The following ZNF680 variants were observed in gnomAD, a reference collection of about 807,000 sequenced individuals.
The protein encoded by ZNF680 is zinc finger protein 680.
In ZNF680, 6 loss-of-function variants were observed where a neutral mutation model predicts 12.1. That is an observed-to-expected ratio of 0.49 (90% confidence interval 0.27 to 0.98). The LOEUF (loss-of-function observed/expected upper bound fraction) is 0.98. ZNF680 is among the 50% of genes least tolerant of loss of function. The pLI, the probability that ZNF680 is intolerant of heterozygous loss-of-function variation, is 0.12. For missense variants in ZNF680, 561 were observed against 616.3 expected (o/e 0.91, Z 0.95); for synonymous variants, 170 against 199.3 (o/e 0.85, Z 1.24).
the ZNF680 span, chr7:64,501,445 T>G: frequency 1.0e-6 from 1 of 977,428 alleles, no homozygotes; most frequent in Non-Finnish European, 1.6e-6. Context: ...AAAGGTGGAT[T>G]CACCCCTGGA....
At chr7:64,540,242 T>G (rs1025005274) in intron 3 of ZNF680, among the ~76,000 whole-genome samples, 2 of 151,876 alleles carry the variant, frequency 1.3e-5, no homozygotes, top group African/African-American at 4.8e-5. Context: ...GGAGGTCATA[T>G]TTGTAGATAA....
the ZNF680 span, chr7:64,501,248 T>TTCCTCC: frequency 1.1e-6 from 1 of 896,528 alleles, no homozygotes; most frequent in South Asian, 1.3e-5. Flanking sequence ...CCAGCACATT[T>TTCCTCC]TCCTCCTCCT....
At chr7:64,533,081 T>G (rs903485950) in intron 3 of ZNF680, among the ~76,000 whole-genome samples, 1 of 152,152 alleles carries the variant, frequency 6.6e-6, no homozygotes, top group East Asian at 1.9e-4. Flanking sequence ...GGGAAAAAAG[T>G]TGAAAGCATT....
rs759557798 is a variant in ZNF680, at chr7:64,521,423, G to T, written c.1331C>A (p.Thr444Asn). Residue 444 changes from threonine (T) to asparagine (N), a missense_variant, in exon 4 of 4, where the codon ACT (threonine) becomes AAT (asparagine). Thr to Asn is a moderately conservative substitution (Grantham distance 65). Transcript: ENST00000309683. ...ATGGTTAGTAAGGGTTGAAAATAAA[G>T]TAAAGCCTTTGCCACATTCTTCACA... ...YKCEECGKGF[T>N]LFSTLTNHKV... 2 of 1,612,300 alleles carry T rather than the reference G, an allele frequency of 1.2e-6. No homozygotes were observed. The highest frequency in any genetic ancestry group is 2.7e-5 in the African/African-American group (2 of 74,474).
intron 3 of ZNF680, chr7:64,526,091 C>T: frequency 2.1e-6 from 2 of 947,248 alleles, no homozygotes; most frequent in Non-Finnish European, 2.5e-6. Context: ...ATATATAAAA[C>T]AAAAATATAA....
At chr7:64,537,733 C>T (rs1484992182) in intron 3 of ZNF680, among the ~76,000 whole-genome samples, 2 of 151,972 alleles carry the variant, frequency 1.3e-5, no homozygotes, top group Admixed American at 6.6e-5. Flanking sequence ...CGAGACCATC[C>T]TGGCTAACAC....
Position 64,522,279 on chromosome 7 carries a change from AT to A in ZNF680, c.474del (p.Lys158AsnfsTer3). On this transcript the variant is annotated frameshift_variant, in exon 4 of 4. Transcript: ENST00000309683. LOFTEE classifies it low-confidence loss of function (END_TRUNC). ...TTQSKIFQCD[K>X]YVKVFHKFSN... ...GAAAATTTATGAAAGACTTTCACGT[AT>A]TTATCACATTGAAATATTTTGCTCT... The A allele has an allele frequency of 6.2e-7, 1 of 1,613,092 alleles. No homozygotes were observed. The highest frequency in any genetic ancestry group is 8.5e-7 in the Non-Finnish European group (1 of 1,179,470).
chr7:64,515,247 TACA>T (rs780720922), downstream of ZNF680, among the ~76,000 whole-genome samples: 5 of 151,796 alleles, frequency 3.3e-5, no homozygotes, highest in Non-Finnish European at 7.4e-5. Context: ...ATTCTTGACT[TACA>T]ACAATATAGT....
chr7:64,540,141 C>T (rs774340625), intron 3 of ZNF680, among the ~76,000 whole-genome samples: 12 of 152,036 alleles, frequency 7.9e-5, no homozygotes, highest in East Asian at 1.9e-4. Flanking sequence ...GAAAAGAAGG[C>T]GATTTCCATG....
intron 1 of ZNF680, among the ~76,000 whole-genome samples, chr7:64,554,219 C>T (rs13236912): frequency 0.32 from 46,845 of 147,350 alleles, 8,240 homozygotes; most frequent in African/African-American, 0.48. Flanking sequence ...ATGTGAAGAG[C>T]GCCTCTGCCC....
At chr7:64,510,698 C>T in the ZNF680 span, among the ~76,000 whole-genome samples, 1 of 143,532 alleles carries the variant, frequency 7.0e-6, no homozygotes, top group Non-Finnish European at 1.5e-5. Flanking sequence ...ATCACGAGGT[C>T]AGGAGATCGA....
At position 64,541,110 on chromosome 7, in the gene ZNF680, T is replaced by C. The variant is rs1416139362; in HGVS notation, c.253+2597A>G. Reference sequence around the variant, plus strand: ...TTTTGCAGAATATGGTTAGCACTTCTTATATATAAAACAAATATTTAGAAA... The same window carrying C: ...TTTTGCAGAATATGGTTAGCACTTCCTATATATAAAACAAATATTTAGAAA... On this transcript the variant is annotated intron_variant, in intron 3 of 3. Transcript: ENST00000309683. Among the ~76,000 whole-genome samples the C allele has an allele frequency of 3.3e-5, 5 of 152,068 alleles. No individual in the cohort carries two copies. The South Asian group carries it at 8.3e-4, about 25-fold the overall frequency.
intron 3 of ZNF680, among the ~76,000 whole-genome samples, chr7:64,528,633 G>A (rs1351660316): frequency 1.3e-5 from 2 of 152,074 alleles, no homozygotes; most frequent in Non-Finnish European, 2.9e-5. Flanking sequence ...ATTGACCTGG[G>A]AACTTCACCC....
the ZNF680 span, among the ~76,000 whole-genome samples, chr7:64,513,812 C>CT: frequency 4.0e-4 from 61 of 151,878 alleles, no homozygotes; most frequent in Non-Finnish European, 7.1e-4. Flanking sequence ...CACCCAGCTA[C>CT]TTTTTTTATT....
chr7:64,502,176 T>C, the ZNF680 span, among the ~76,000 whole-genome samples: 1 of 151,558 alleles, frequency 6.6e-6, no homozygotes, highest in Non-Finnish European at 1.5e-5. Context: ...GGTAATTTTA[T>C]TTATTTTTGT....
chr7:64,527,195 G>A (rs57375223), intron 3 of ZNF680, among the ~76,000 whole-genome samples: 1,546 of 152,126 alleles, frequency 0.01, 27 homozygotes, highest in African/African-American at 0.036. Flanking sequence ...CCGAGATCAC[G>A]CCATTGCACT....
chr7:64,521,428 G>A lies in ZNF680; in HGVS notation c.1326C>T (p.Gly442=), dbSNP rs980438922. The A allele has an allele frequency of 2.3e-5, 37 of 1,612,890 alleles. No individual in the cohort carries two copies. Among genetic ancestry groups the A allele is most frequent in the Non-Finnish European group, 3.1e-5 (36 of 1,179,564 alleles). ...NTYKCEECGK[G]FTLFSTLTNH... The stretch of plus-strand genomic sequence containing the variant: ...TAGTAAGGGTTGAAAATAAAGTAAA[G>A]CCTTTGCCACATTCTTCACATTTGT... The change falls in exon 4 of 4, where the codon GGC becomes GGT. Residue 442 remains glycine (G), a synonymous_variant. Coordinates refer to ENST00000309683, the MANE Select transcript of ZNF680 (RefSeq NM_178558.5).
intron 3 of ZNF680, among the ~76,000 whole-genome samples, chr7:64,536,230 CTT>C (rs1388358186): frequency 6.6e-6 from 1 of 152,014 alleles, no homozygotes; most frequent in African/African-American, 2.4e-5. Context: ...AAACAGAAAA[CTT>C]AGACATTATA....
At chr7:64,510,206 T>C in the ZNF680 span, among the ~76,000 whole-genome samples, 1 of 137,028 alleles carries the variant, frequency 7.3e-6, no homozygotes, top group Non-Finnish European at 1.5e-5. Flanking sequence ...ATTAAAGTCT[T>C]GGTGATCCCA....
Sources: allele counts gnomAD v4.1 joint callset (sites outside exome capture counted in the v4.1 genomes callset), GRCh38; gene constraint gnomAD v4.1.1; transcripts MANE v1.5; gene names NCBI Gene and HGNC (gene_info 2026-07-23, HGNC 2026-07-21).